GALNTL6: variants seen among roughly 807,000 people sequenced by gnomAD.
GALNTL6 encodes the protein polypeptide N-acetylgalactosaminyltransferase like 6, also known as polypeptide N-acetylgalactosaminyltransferase-like 6.
In GALNTL6, 46 loss-of-function variants were observed where a neutral mutation model predicts 73.7. That is an observed-to-expected ratio of 0.62 (90% confidence interval 0.49 to 0.80). GALNTL6 has a LOEUF of 0.80. Ranked by LOEUF, GALNTL6 falls within the 30% of genes least tolerant of loss-of-function variation. The probability of loss-of-function intolerance (pLI) is 0.00; values close to 1 mark genes in which losing one functional copy is unlikely to be tolerated. For synonymous variants in GALNTL6, 259 were observed against 263.7 expected (o/e 0.98, Z 0.17); for missense variants, 604 against 755.0 (o/e 0.80, Z 2.34).
intron 5 of GALNTL6, among the ~76,000 whole-genome samples, chr4:172,384,644 T>G (rs939402099): frequency 1.3e-5 from 2 of 152,108 alleles, no homozygotes; most frequent in Admixed American, 6.6e-5. Context: ...CTTTGTGTTG[T>G]TTGCATTTTT....
intron 7 of GALNTL6, among the ~76,000 whole-genome samples, chr4:172,834,136 A>C (rs1742783631): frequency 6.6e-6 from 1 of 152,126 alleles, no homozygotes; most frequent in South Asian, 2.1e-4. Context: ...TAAAAATAAA[A>C]ATAAACTCCC....
At chr4:172,793,524 C>G (rs542363117) in intron 5 of GALNTL6, among the ~76,000 whole-genome samples, 1 of 152,116 alleles carries the variant, frequency 6.6e-6, no homozygotes, top group Admixed American at 6.6e-5. Flanking sequence ...GAAAAGCATC[C>G]CGGGACCATG....
intron 5 of GALNTL6, among the ~76,000 whole-genome samples, chr4:172,601,855 C>T (rs1159355442): frequency 6.7e-6 from 1 of 149,596 alleles, no homozygotes; most frequent in Admixed American, 6.6e-5. Context: ...TTAATGAAAA[C>T]CTGTTAAAGC....
chr4:172,718,677 C>T (rs569331547), intron 5 of GALNTL6, among the ~76,000 whole-genome samples: 215 of 152,054 alleles, frequency 1.4e-3, no homozygotes, highest in Non-Finnish European at 2.4e-3. Flanking sequence ...TATGGAAAAA[C>T]TGTCACATGT....
chr4:172,924,907 C>G (rs899097458), intron 8 of GALNTL6, among the ~76,000 whole-genome samples: 1 of 152,142 alleles, frequency 6.6e-6, no homozygotes, highest in Non-Finnish European at 1.5e-5. Flanking sequence ...GAGTTTGGCT[C>G]TGTCGCCAGG....
intron 4 of GALNTL6, among the ~76,000 whole-genome samples, chr4:172,331,869 T>G (rs1741137638): frequency 6.6e-6 from 1 of 152,212 alleles, no homozygotes. Context: ...CAAGATTAGT[T>G]ACTTTTGATA....
At chr4:172,079,095 A>T (rs1731798355) in intron 2 of GALNTL6, among the ~76,000 whole-genome samples, 1 of 152,098 alleles carries the variant, frequency 6.6e-6, no homozygotes, top group Admixed American at 6.5e-5. Flanking sequence ...TTTTATCCAT[A>T]TCAAAGTCCA....
rs532051435 is a variant in GALNTL6, at chr4:172,574,931, C to T, written c.553+226242C>T. ...GTGCATGCATGCATGTGTATACACA[C>T]GCACACATACACACACACACACACA... On this transcript the variant is annotated intron_variant, in intron 5 of 12. Transcript: ENST00000506823. 8.2e-3 allele frequency among the ~76,000 whole-genome samples: 509 copies of T among 62,240 alleles called. 2 individuals are homozygous for T. Among genetic ancestry groups the T allele is most frequent in the Admixed American group, 0.017 (99 of 5,874 alleles). 40.8% of individuals were successfully genotyped at this position (62,240 alleles called of 152,430 possible).
chr4:172,624,658 C>T (rs1223400870), intron 5 of GALNTL6, among the ~76,000 whole-genome samples: 2 of 151,976 alleles, frequency 1.3e-5, no homozygotes, highest in Non-Finnish European at 1.5e-5. Flanking sequence ...GTATCTACTG[C>T]TCTGCAGTAA....
Position 172,971,105 on chromosome 4 carries a change from G to C in GALNTL6, c.1371+18847G>C, listed in dbSNP as rs1006132744. Among the ~76,000 whole-genome samples the C allele has an allele frequency of 3.3e-5, 5 of 152,124 alleles. No homozygotes were observed. The South Asian group carries it at 6.2e-4, about 19-fold the overall frequency. ...CAATCACAGGAGTGGGTTATTGTGGGAGCAAGCTTCTAATAAAAGAATGAG... is the reference window on the plus strand; with the variant it reads ...CAATCACAGGAGTGGGTTATTGTGGCAGCAAGCTTCTAATAAAAGAATGAG... On this transcript the variant is annotated intron_variant, in intron 10 of 12. Coordinates refer to ENST00000506823, the MANE Select transcript of GALNTL6 (RefSeq NM_001034845.3).
intron 2 of GALNTL6, among the ~76,000 whole-genome samples, chr4:172,210,153 TGTG>T (rs146406331): frequency 2.7e-3 from 412 of 152,188 alleles, no homozygotes; most frequent in African/African-American, 9.2e-3. Flanking sequence ...TGAAAAGACT[TGTG>T]GTCATTTTTA....
intron 10 of GALNTL6, among the ~76,000 whole-genome samples, chr4:172,991,849 G>A (rs1488950158): frequency 6.6e-6 from 1 of 152,056 alleles, no homozygotes; most frequent in Non-Finnish European, 1.5e-5. Context: ...AGAAAATCTT[G>A]TTATTTTGAC....
Position 172,744,840 on chromosome 4 carries a change from CGTGTGTGTGT to C in GALNTL6, c.554-64498_554-64489del, listed in dbSNP as rs3084334. Among the ~76,000 whole-genome samples the C allele has an allele frequency of 1.9e-4, 29 of 149,364 alleles. No individual in the cohort carries two copies. The East Asian group carries it at 4.4e-3, about 23-fold the overall frequency. ...AGGATAGATTTTAAGAGTGCGCGTG[CGTGTGTGTGT>C]GTGTGTGTGTGTGTGTGTGTGTATT... is the stretch of plus-strand genomic sequence containing the variant. On this transcript the variant is annotated intron_variant, in intron 5 of 12. Transcript: ENST00000506823.
intron 2 of GALNTL6, among the ~76,000 whole-genome samples, chr4:172,147,113 A>G (rs72700957): frequency 0.26 from 38,957 of 152,068 alleles, 6,364 homozygotes; most frequent in Non-Finnish European, 0.36. Flanking sequence ...CTGTATTTCC[A>G]GTTTTGATCA....
intron 3 of GALNTL6, among the ~76,000 whole-genome samples, chr4:172,277,661 T>G (rs753439469): frequency 3.3e-5 from 5 of 152,174 alleles, no homozygotes; most frequent in Non-Finnish European, 7.3e-5. Context: ...CTGACATATG[T>G]TAATGTTTGC....
intron 5 of GALNTL6, among the ~76,000 whole-genome samples, chr4:172,705,497 T>C (rs1379776784): frequency 6.6e-6 from 1 of 151,784 alleles, no homozygotes; most frequent in Non-Finnish European, 1.5e-5. Flanking sequence ...CCTTCCAAAA[T>C]TTTGACTTTT....
intron 2 of GALNTL6, among the ~76,000 whole-genome samples, chr4:171,946,474 C>T (rs1487405549): frequency 6.6e-6 from 1 of 152,134 alleles, no homozygotes; most frequent in African/African-American, 2.4e-5. Flanking sequence ...CATCAGAAGA[C>T]ATAAACCCCT....
In GALNTL6 at chr4:172,867,035, C is replaced by T. The variant is rs538409600; in HGVS notation, c.924-15755C>T. Reference sequence around the variant, plus strand: ...CAAACTTCATGGAAATATGTAGAAGCGGTCCCTCATTCAGTCTTTAAAAGT... The same window carrying T: ...CAAACTTCATGGAAATATGTAGAAGTGGTCCCTCATTCAGTCTTTAAAAGT... On this transcript the variant is annotated intron_variant, in intron 7 of 12. Coordinates refer to ENST00000506823, the MANE Select transcript of GALNTL6 (RefSeq NM_001034845.3). Among the ~76,000 whole-genome samples the T allele has an allele frequency of 8.5e-5, 13 of 152,272 alleles. No homozygotes were observed. In the South Asian group the frequency reaches 1.7e-3, roughly 19 times the overall value.
chr4:172,731,063 G>A (rs1433198664), intron 5 of GALNTL6, among the ~76,000 whole-genome samples: 1 of 144,416 alleles, frequency 6.9e-6, no homozygotes, highest in Non-Finnish European at 1.5e-5. Context: ...CTGGGCTACA[G>A]AGCAAGACTC....
Sources: gnomAD v4.1 joint callset for allele counts (sites outside exome capture counted in the v4.1 genomes callset) on GRCh38, gnomAD v4.1.1 for gene constraint, MANE v1.5 for transcripts, NCBI Gene and HGNC (gene_info 2026-07-23, HGNC 2026-07-21) for gene names.